The following ITK variants were observed in gnomAD, a reference collection of about 807,000 sequenced individuals.
ITK encodes the protein IL2 inducible T cell kinase, also known as tyrosine-protein kinase ITK/TSK.
A neutral mutation model predicts 87.6 loss-of-function variants in ITK; 45 were observed. The ratio of observed to expected loss-of-function variants is 0.51; its 90% CI spans 0.40 to 0.66. ITK has a LOEUF of 0.66. Ranked by LOEUF, ITK falls within the 30% of genes least tolerant of loss-of-function variation. ITK has a pLI of 0.00. For synonymous variants in ITK, 303 were observed against 273.6 expected, an observed-to-expected ratio of 1.11 and a Z score of -1.06; for missense variants, 605 against 766.3, an observed-to-expected ratio of 0.79 and a Z score of 2.48.
At chr5:157,229,898 G>T (rs912475688) in intron 7 of ITK, among the ~76,000 whole-genome samples, 1 of 152,160 alleles carries the variant, frequency 6.6e-6, no homozygotes, top group Admixed American at 6.5e-5. Context: ...TGGGCAACAA[G>T]AGCGAAACTC....
At chr5:157,211,474 T>A in intron 3 of ITK, 106 bp downstream of exon 3, 1 of 985,970 alleles carries the variant, frequency 1.0e-6, no homozygotes, top group Non-Finnish European at 1.6e-6. Context: ...GATGGCTGAT[T>A]TCTCTTTTGG....
rs1754973864 is a variant in ITK, at chr5:157,244,259, C to T, written c.1233-3C>T. 2 of 1,613,778 alleles carry T rather than the reference C, an allele frequency of 1.2e-6. No homozygotes were observed. Among genetic ancestry groups the T allele is most frequent in the Non-Finnish European group, 8.5e-7 (1 of 1,179,692 alleles). On this transcript the variant is annotated splice_polypyrimidine_tract_variant and splice_region_variant and intron_variant, in intron 12 of 16. Transcript: ENST00000422843. ...CATCTCACCCCTTGTCTTTTTCCTC[C>T]AGGAAACTCTCTCATCCCAAACTGG...
chr5:157,183,786 A>G (rs1054203628), intron 1 of ITK, among the ~76,000 whole-genome samples: 1 of 152,048 alleles, frequency 6.6e-6, no homozygotes, highest in Non-Finnish European at 1.5e-5. Context: ...CTCTTTTCTC[A>G]TGTGTAAAAT....
chr5:157,203,122 T>C (rs1405797979), intron 1 of ITK, among the ~76,000 whole-genome samples: 1 of 152,192 alleles, frequency 6.6e-6, no homozygotes, highest in Non-Finnish European at 1.5e-5. Context: ...GAGGTCTGCC[T>C]TGGCCACAGT....
At chr5:157,251,595 C>T (rs768113027) in intron 16 of ITK, among the ~76,000 whole-genome samples, 1 of 152,174 alleles carries the variant, frequency 6.6e-6, no homozygotes, top group African/African-American at 2.4e-5. Flanking sequence ...CCCAAATTTT[C>T]TCCTATGTTA....
chr5:157,231,930 C>T (rs570185367), intron 7 of ITK, among the ~76,000 whole-genome samples: 4 of 152,302 alleles, frequency 2.6e-5, no homozygotes, highest in Middle Eastern at 3.4e-3. Context: ...CTCCTTATAA[C>T]GAACTGTCTA....
intron 3 of ITK, among the ~76,000 whole-genome samples, chr5:157,213,116 G>T (rs1387760637): frequency 6.6e-6 from 1 of 152,130 alleles, no homozygotes; most frequent in African/African-American, 2.4e-5. Context: ...CTGTATGGCT[G>T]GGAGGCCTCA....
At position 157,245,914 on chromosome 5, in the gene ITK, A is replaced by T. The variant is rs769884280; in HGVS notation, c.1548A>T (p.Thr516=). 1.8e-5 allele frequency: 29 copies of T among 1,614,036 alleles called. No homozygotes were observed. The African/African-American group carries it at 3.5e-4, about 19-fold the overall frequency. The change falls in exon 15 of 17, where the codon ACA becomes ACT. Residue 516 remains threonine (T), a synonymous_variant. Transcript: ENST00000422843. The stretch of plus-strand genomic sequence containing the variant: ...TGGATGATCAGTACACCAGTTCCAC[A>T]GGCACCAAATTCCCGGTGAAGTGGG... The part of the protein sequence containing the change: ...FVLDDQYTSS[T]GTKFPVKWAS...
chr5:157,233,649 G>T (rs945148291), intron 8 of ITK, among the ~76,000 whole-genome samples: 1 of 152,088 alleles, frequency 6.6e-6, no homozygotes, highest in Non-Finnish European at 1.5e-5. Context: ...CAAACCTGGC[G>T]CTGCCAGGCT....
intron 7 of ITK, among the ~76,000 whole-genome samples, chr5:157,229,994 A>G (rs1003160951): frequency 2.6e-5 from 4 of 151,498 alleles, no homozygotes; most frequent in Admixed American, 1.3e-4. Context: ...TGACCCATAC[A>G]AAAAAATATT....
intron 1 of ITK, among the ~76,000 whole-genome samples, chr5:157,207,515 G>C (rs571766745): frequency 3.7e-3 from 556 of 149,478 alleles, no homozygotes; most frequent in Non-Finnish European, 6.4e-3. Flanking sequence ...AGAGTAGCTG[G>C]GATTATAGGC....
intron 8 of ITK, among the ~76,000 whole-genome samples, chr5:157,233,942 TA>T (rs1561661060): frequency 6.1e-5 from 1 of 16,426 alleles, no homozygotes. Flanking sequence ...CATATATATA[TA>T]TATATATATA....
chr5:157,242,645 G>A (rs1481797566), intron 11 of ITK, among the ~76,000 whole-genome samples: 1 of 151,986 alleles, frequency 6.6e-6, no homozygotes, highest in Non-Finnish European at 1.5e-5. Context: ...TTTTTGTAGA[G>A]ACAGGGTCTC....
chr5:157,199,768 T>C (rs1369082034), intron 1 of ITK: 1 of 152,246 alleles, frequency 6.6e-6, no homozygotes, highest in African/African-American at 2.4e-5. Flanking sequence ...GGATGGAATG[T>C]TGAATGCCTG....
chr5:157,225,546 G>A (rs1580895865), intron 6 of ITK, among the ~76,000 whole-genome samples: 1 of 152,134 alleles, frequency 6.6e-6, no homozygotes, highest in Admixed American at 6.5e-5. Context: ...CATTTTCAAG[G>A]TGCCTTCTCT....
At chr5:157,186,872 C>T (rs923895429) in intron 1 of ITK, among the ~76,000 whole-genome samples, 1 of 152,216 alleles carries the variant, frequency 6.6e-6, no homozygotes, top group African/African-American at 2.4e-5. Context: ...TCATCCTCCA[C>T]ATGGCAACCA....
intron 1 of ITK, among the ~76,000 whole-genome samples, chr5:157,191,113 A>T (rs1329765221): frequency 6.8e-6 from 1 of 147,734 alleles, no homozygotes; most frequent in Non-Finnish European, 1.5e-5. Context: ...CAGTTGTCTT[A>T]TGTTTTTTTA....
intron 1 of ITK, among the ~76,000 whole-genome samples, chr5:157,193,566 A>G (rs1753792027): frequency 6.6e-6 from 1 of 152,168 alleles, no homozygotes; most frequent in Non-Finnish European, 1.5e-5. Context: ...ATGTTATCCT[A>G]TTGTTATCCC....
At chr5:157,205,939 C>G (rs1181150163) in intron 1 of ITK, among the ~76,000 whole-genome samples, 1 of 150,078 alleles carries the variant, frequency 6.7e-6, no homozygotes, top group Non-Finnish European at 1.5e-5. Context: ...ACCTTGCATT[C>G]CTAAAGCCTA....
Sources: gnomAD v4.1 joint callset for allele counts (sites outside exome capture counted in the v4.1 genomes callset) on GRCh38, gnomAD v4.1.1 for gene constraint, MANE v1.5 for transcripts, NCBI Gene and HGNC (gene_info 2026-07-23, HGNC 2026-07-21) for gene names.